The following NNMT variants were observed in gnomAD, a reference collection of about 807,000 sequenced individuals.
The protein encoded by NNMT is nicotinamide N-methyltransferase.
A neutral mutation model predicts 11.7 loss-of-function variants in NNMT; 10 were observed. The ratio of observed to expected loss-of-function variants is 0.85; its 90% CI spans 0.53 to 1.45. The LOEUF (loss-of-function observed/expected upper bound fraction) is 1.45. Among genes scored for constraint, NNMT ranks in the 40% most tolerant of loss-of-function variants. The pLI is 0.00. For missense variants in NNMT, 381 were observed against 319.4 expected (o/e 1.19, Z -1.47); for synonymous variants, 143 against 133.8 (o/e 1.07, Z -0.48).
At chr11:114,280,747 T>G (rs1405861663) in intron 2 of NNMT, among the ~76,000 whole-genome samples, 1 of 152,104 alleles carries the variant, frequency 6.6e-6, no homozygotes, top group Non-Finnish European at 1.5e-5. Flanking sequence ...GACCTGTTTT[T>G]GGATTATTTC....
chr11:114,308,931 G>A (rs1279370254), intron 2 of NNMT, among the ~76,000 whole-genome samples: 4 of 152,102 alleles, frequency 2.6e-5, no homozygotes, highest in Admixed American at 1.3e-4. Flanking sequence ...TTCACAGTGT[G>A]GCTCACAGTT....
At chr11:114,308,277 C>T (rs916131528) in intron 2 of NNMT, among the ~76,000 whole-genome samples, 1 of 152,128 alleles carries the variant, frequency 6.6e-6, no homozygotes, top group Non-Finnish European at 1.5e-5. Flanking sequence ...CCTTGATTTC[C>T]TTGACCTGTT....
At chr11:114,311,797 G>A (rs1338620695) in intron 2 of NNMT, among the ~76,000 whole-genome samples, 1 of 152,130 alleles carries the variant, frequency 6.6e-6, no homozygotes, top group East Asian at 1.9e-4. Context: ...GTAGAAGCAG[G>A]CTGCTAGGTA....
At chr11:114,310,284 T>A (rs1652149749) in intron 2 of NNMT, among the ~76,000 whole-genome samples, 1 of 152,232 alleles carries the variant, frequency 6.6e-6, no homozygotes, top group Admixed American at 6.5e-5. Context: ...TTATCTGTCT[T>A]TTTTATTATA....
intron 2 of NNMT, among the ~76,000 whole-genome samples, chr11:114,306,208 C>G (rs1945490954): frequency 6.6e-6 from 1 of 152,120 alleles, no homozygotes; most frequent in African/African-American, 2.4e-5. Context: ...TTGATTTTTT[C>G]TTGTAAATTT....
intron 2 of NNMT, among the ~76,000 whole-genome samples, chr11:114,301,380 A>G (rs968125367): frequency 6.6e-6 from 1 of 152,248 alleles, no homozygotes; most frequent in Non-Finnish European, 1.5e-5. Context: ...GATGTCTTTC[A>G]GTAAGCGAAT....
At chr11:114,298,414 T>C (rs1468419372) in intron 2 of NNMT, 1 of 445,502 alleles carries the variant, frequency 2.2e-6, no homozygotes, top group Non-Finnish European at 4.1e-6. Flanking sequence ...CAAAGAGGAG[T>C]AAACCCCCAA....
At chr11:114,299,653 T>A (rs1945418339) in intron 2 of NNMT, among the ~76,000 whole-genome samples, 1 of 152,180 alleles carries the variant, frequency 6.6e-6, no homozygotes, top group Non-Finnish European at 1.5e-5. Context: ...AATCTGAAAT[T>A]TTTGTGCGAG....
At chr11:114,262,380 G>T (rs1045257553) in intron 1 of NNMT, among the ~76,000 whole-genome samples, 2 of 151,920 alleles carry the variant, frequency 1.3e-5, no homozygotes, top group East Asian at 3.9e-4. Context: ...CACAGGCCCC[G>T]GTGTGTGTTG....
At chr11:114,301,112 G>GAA (rs1945434453) in intron 2 of NNMT, among the ~76,000 whole-genome samples, 1 of 152,192 alleles carries the variant, frequency 6.6e-6, no homozygotes, top group Non-Finnish European at 1.5e-5. Context: ...ATGCTGATGA[G>GAA]GCTGTGGGGA....
intron 2 of NNMT, among the ~76,000 whole-genome samples, chr11:114,268,454 C>CTTACCATGGTTTCCCAAACCAG (rs1203606656): frequency 1.6e-4 from 25 of 152,150 alleles, no homozygotes; most frequent in Admixed American, 1.0e-3. Flanking sequence ...AGCCATGCAA[C>CTTACCATGGTTTCCCAAACCAG]CAAGCTTATG....
chr11:114,278,134 T>C (rs992820620), intron 2 of NNMT, among the ~76,000 whole-genome samples: 3 of 152,200 alleles, frequency 2.0e-5, no homozygotes, highest in Non-Finnish European at 2.9e-5. Flanking sequence ...TGTACAAGCA[T>C]GGCGTTAACA....
At position 114,296,461 on chromosome 11, in the gene NNMT, C is replaced by T; in HGVS notation, c.-96C>T. On this transcript the variant is annotated 5_prime_UTR_variant, in exon 1 of 3. Transcript: ENST00000299964. ...AACTGATGGAAGGAATGCTGTTAGC[C>T]TGAGACTCAGGAAGACAACTTCTGC... 2 of 1,342,324 alleles carry T rather than the reference C, an allele frequency of 1.5e-6. No individual in the cohort carries two copies. The highest frequency in any genetic ancestry group is 2.1e-6 in the Non-Finnish European group (2 of 972,870). The allele number at this position is 1,342,324 out of a possible 1,614,324, so 83.2% of individuals were successfully genotyped here. A position where few individuals can be genotyped will look rare whatever the true frequency, so the allele number is the denominator to read the frequency against.
chr11:114,313,032 A>T lies in NNMT; in HGVS notation c.*555A>T, dbSNP rs1159164452. The T allele has an allele frequency of 6.6e-6, 1 of 152,430 alleles. No homozygotes were observed. Among genetic ancestry groups the T allele is most frequent in the African/African-American group, 2.4e-5 (1 of 41,468 alleles). 9.4% of individuals were successfully genotyped at this position (152,430 alleles called of 1,614,324 possible). On this transcript the variant is annotated 3_prime_UTR_variant, in exon 3 of 3. Coordinates refer to ENST00000299964, the MANE Select transcript of NNMT (RefSeq NM_006169.3). ...CTGTTCATCCCAGCAATCCAAAAAA[A>T]AATTTTTTTAAGCTACAAAGATCAC...
intron 2 of NNMT, among the ~76,000 whole-genome samples, chr11:114,289,003 T>G (rs1426155346): frequency 3.3e-5 from 5 of 152,202 alleles, no homozygotes; most frequent in African/African-American, 1.2e-4. Flanking sequence ...TTAGAATTAT[T>G]GATTACTTGA....
intron 2 of NNMT, among the ~76,000 whole-genome samples, chr11:114,304,866 A>G (rs954185266): frequency 2.8e-4 from 43 of 152,330 alleles, no homozygotes; most frequent in Non-Finnish European, 6.0e-4. Flanking sequence ...AAAAATAAAT[A>G]ACCCTCATTT....
chr11:114,285,969 A>G (rs985225818), intron 2 of NNMT, among the ~76,000 whole-genome samples: 1 of 152,210 alleles, frequency 6.6e-6, no homozygotes, highest in Admixed American at 6.5e-5. Flanking sequence ...CCTTGATGTC[A>G]TCTGAGGCAC....
chr11:114,258,552 G>A (rs1009500618), intron 1 of NNMT, among the ~76,000 whole-genome samples: 16 of 152,262 alleles, frequency 1.1e-4, no homozygotes, highest in African/African-American at 3.6e-4. Context: ...ATCTGAAGAT[G>A]ACTGGCCTCA....
chr11:114,284,303 G>A (rs1228606795), intron 2 of NNMT, among the ~76,000 whole-genome samples: 1 of 152,182 alleles, frequency 6.6e-6, no homozygotes, highest in East Asian at 1.9e-4. Context: ...GATGCCATCT[G>A]CCTGCAATTT....
Sources: gnomAD v4.1 joint callset for allele counts (sites outside exome capture counted in the v4.1 genomes callset) on GRCh38, gnomAD v4.1.1 for gene constraint, MANE v1.5 for transcripts, NCBI Gene and HGNC (gene_info 2026-07-23, HGNC 2026-07-21) for gene names.